CTNNA2: variants seen among roughly 807,000 people sequenced by gnomAD.
The protein encoded by CTNNA2 is catenin alpha-2.
A neutral mutation model predicts 101.0 loss-of-function variants in CTNNA2; 42 were observed. That is an observed-to-expected ratio of 0.42 (90% CI 0.32 to 0.54). The LOEUF (loss-of-function observed/expected upper bound fraction) is 0.54, where lower values mean the gene tolerates loss of function less well. CTNNA2 is among the 20% of genes least tolerant of loss of function. CTNNA2 has a pLI of 0.14. For missense variants in CTNNA2, 871 were observed against 1,223.1 expected, an observed-to-expected ratio of 0.71 and a Z score of 4.29; for synonymous variants, 450 against 456.4, an observed-to-expected ratio of 0.99 and a Z score of 0.18.
intron 7 of CTNNA2, among the ~76,000 whole-genome samples, chr2:80,075,044 T>C (rs149813299): frequency 6.6e-6 from 1 of 152,094 alleles, no homozygotes; most frequent in East Asian, 1.9e-4. Context: ...TCCCTTACTG[T>C]TTTTTTTCTT....
chr2:79,857,814 T>C lies in CTNNA2; in HGVS notation c.299-199T>C, dbSNP rs1441066061. 5.9e-5 allele frequency among the ~76,000 whole-genome samples: 9 copies of C among 152,214 alleles called. No individual in the cohort carries two copies. In the South Asian group the frequency reaches 1.9e-3, roughly 32 times the overall value. The stretch of plus-strand genomic sequence containing the variant: ...ATACTTCAGTGTGAAATGAGCACCT[T>C]GTTTGGTCCACAGCACTTGTCCATG... On this transcript the variant is annotated intron_variant, in intron 3 of 18. Transcript: ENST00000402739.
intron 7 of CTNNA2, among the ~76,000 whole-genome samples, chr2:80,352,626 T>C (rs901539640): frequency 3.4e-4 from 52 of 152,280 alleles, no homozygotes; most frequent in African/African-American, 1.1e-3. Context: ...AAAGGAATGG[T>C]TGCTTGGTCC....
At chr2:80,035,219 A>G (rs893282408) in intron 7 of CTNNA2, among the ~76,000 whole-genome samples, 1 of 152,148 alleles carries the variant, frequency 6.6e-6, no homozygotes, top group South Asian at 2.1e-4. Context: ...TACAAAGGGA[A>G]AATAGTAACA....
intron 7 of CTNNA2, among the ~76,000 whole-genome samples, chr2:80,241,461 G>T (rs1670933912): frequency 6.6e-6 from 1 of 151,158 alleles, no homozygotes; most frequent in East Asian, 1.9e-4. Flanking sequence ...GATTCATCTG[G>T]GGCCTAGATA....
intron 7 of CTNNA2, among the ~76,000 whole-genome samples, chr2:80,248,201 C>T (rs1671483623): frequency 6.6e-6 from 1 of 152,058 alleles, no homozygotes; most frequent in Admixed American, 6.5e-5. Context: ...TATGCCTGGC[C>T]TACTGAGCAG....
chr2:80,487,449 T>C (rs906746578), intron 9 of CTNNA2, among the ~76,000 whole-genome samples: 9 of 152,030 alleles, frequency 5.9e-5, no homozygotes, highest in Admixed American at 1.3e-4. Flanking sequence ...AGAAAACTTA[T>C]AATCATGGCA....
At chr2:79,377,432 C>T (rs994707196) in intron 4 of CTNNA2, among the ~76,000 whole-genome samples, 4 of 152,110 alleles carry the variant, frequency 2.6e-5, no homozygotes, top group African/African-American at 9.7e-5. Context: ...TTTATTTGTA[C>T]AAAGCTGCTT....
At chr2:80,114,716 C>A (rs1273962677) in intron 7 of CTNNA2, among the ~76,000 whole-genome samples, 1 of 152,160 alleles carries the variant, frequency 6.6e-6, no homozygotes, top group East Asian at 1.9e-4. Context: ...CACAGAATTG[C>A]ATTTTCTAAC....
intron 7 of CTNNA2, among the ~76,000 whole-genome samples, chr2:80,132,410 A>C (rs1702464819): frequency 6.6e-6 from 1 of 152,148 alleles, no homozygotes; most frequent in Non-Finnish European, 1.5e-5. Context: ...TTAAAATATA[A>C]ATGTATCACA....
chr2:80,393,416 C>T, intron 8 of CTNNA2, 125 bp downstream of exon 8: 1 of 665,316 alleles, frequency 1.5e-6, no homozygotes, highest in Non-Finnish European at 2.5e-6. Context: ...TTTACATATA[C>T]AAATAAAAAC....
chr2:80,115,688 G>C (rs1409279359), intron 7 of CTNNA2, among the ~76,000 whole-genome samples: 1 of 152,176 alleles, frequency 6.6e-6, no homozygotes, highest in African/African-American at 2.4e-5. Flanking sequence ...GTAGTATGCT[G>C]TGTCCTGGGT....
At chr2:79,311,862 C>T (rs1197439822) in intron 2 of CTNNA2, among the ~76,000 whole-genome samples, 1 of 152,140 alleles carries the variant, frequency 6.6e-6, no homozygotes, top group African/African-American at 2.4e-5. Context: ...GTTACACATG[C>T]AATTTATTTA....
At position 79,706,341 on chromosome 2, in the gene CTNNA2, C is replaced by T. The variant is rs539909376; in HGVS notation, c.103-38046C>T. Among the ~76,000 whole-genome samples the T allele has an allele frequency of 1.6e-3, 197 of 122,924 alleles. 4 individuals carry two copies. Among genetic ancestry groups the T allele is most frequent in the Non-Finnish European group, 2.5e-3 (157 of 63,706 alleles). 80.6% of individuals were successfully genotyped at this position (122,924 alleles called of 152,430 possible). On this transcript the variant is annotated intron_variant, in intron 2 of 18. Coordinates refer to ENST00000402739, the MANE Select transcript of CTNNA2 (RefSeq NM_001282597.3). The stretch of plus-strand genomic sequence containing the variant: ...TCACGCCACTGCACTCCGCCCTGGG[C>T]GACAGAGCGAGACTCCGTCTCAAAA...
intron 9 of CTNNA2, among the ~76,000 whole-genome samples, chr2:80,516,793 A>C: frequency 6.6e-6 from 1 of 152,208 alleles, no homozygotes; most frequent in Non-Finnish European, 1.5e-5. Context: ...ATACAGACAA[A>C]TTAAGTGCCA....
chr2:80,095,982 G>GT (rs1282243024), intron 7 of CTNNA2, among the ~76,000 whole-genome samples: 3 of 151,930 alleles, frequency 2.0e-5, no homozygotes, highest in Non-Finnish European at 4.4e-5. Context: ...TTTTTGAAGG[G>GT]TTTTTTGTGT....
chr2:79,214,548 A>G (rs1205601231), intron 2 of CTNNA2, among the ~76,000 whole-genome samples: 4 of 152,066 alleles, frequency 2.6e-5, no homozygotes, highest in African/African-American at 2.4e-5. Flanking sequence ...AAAGCGTGCT[A>G]TGGGATGGGA....
intron 7 of CTNNA2, among the ~76,000 whole-genome samples, chr2:80,149,622 T>G (rs1159833257): frequency 6.6e-6 from 1 of 152,186 alleles, no homozygotes; most frequent in Non-Finnish European, 1.5e-5. Flanking sequence ...GTAGCATACT[T>G]ACGTAACTGT....
intron 9 of CTNNA2, among the ~76,000 whole-genome samples, chr2:80,463,946 G>A (rs1472669133): frequency 6.6e-6 from 1 of 152,072 alleles, no homozygotes; most frequent in Non-Finnish European, 1.5e-5. Flanking sequence ...TGAGGTTTCA[G>A]GAATGAAGCC....
intron 4 of CTNNA2, among the ~76,000 whole-genome samples, chr2:79,476,974 A>T (rs1031511294): frequency 2.6e-5 from 4 of 152,100 alleles, no homozygotes; most frequent in African/African-American, 9.7e-5. Flanking sequence ...GACCTTGGTC[A>T]TAAGTTCTAA....
Sources: gnomAD v4.1 joint callset for allele counts (sites outside exome capture counted in the v4.1 genomes callset) on GRCh38, gnomAD v4.1.1 for gene constraint, MANE v1.5 for transcripts, NCBI Gene and HGNC (gene_info 2026-07-23, HGNC 2026-07-21) for gene names.